The following DIAPH3 variants were observed in gnomAD, a reference collection of about 807,000 sequenced individuals.
The protein encoded by DIAPH3 is diaphanous related formin 3.
In DIAPH3, 117 loss-of-function variants were observed where a neutral mutation model predicts 144.3. That is an observed-to-expected ratio of 0.81 (90% confidence interval 0.70 to 0.95). DIAPH3 has a LOEUF of 0.95. Among genes scored for constraint, DIAPH3 ranks in the 40% least tolerant of loss-of-function variants. The probability of loss-of-function intolerance (pLI) is 0.00; values close to 1 mark genes in which losing one functional copy is unlikely to be tolerated. For synonymous variants in DIAPH3, 519 were observed against 488.9 expected, an observed-to-expected ratio of 1.06 and a Z score of -0.81; for missense variants, 1,421 against 1,412.7, an observed-to-expected ratio of 1.01 and a Z score of -0.09.
Position 59,917,889 on chromosome 13 carries a change from CAAAAAAAAAA to C in DIAPH3, c.2171-1650_2171-1641del, listed in dbSNP as rs60792156. On this transcript the variant is annotated intron_variant, in intron 18 of 27. Coordinates refer to ENST00000400324, the MANE Select transcript of DIAPH3 (RefSeq NM_001042517.2). ...TGGGCGACAGAGTAAGACTCTGTCT[CAAAAAAAAAA>C]AAAAAAAAAAAAAAAAAAGTAAGTA... Among the ~76,000 whole-genome samples the C allele has an allele frequency of 6.4e-4, 12 of 18,640 alleles. 1 individual carries two copies. In the East Asian group the frequency reaches 6.8e-3, roughly 11 times the overall value. 12.2% of individuals were successfully genotyped at this position (18,640 alleles called of 152,430 possible). A position where few individuals can be genotyped will look rare whatever the true frequency, so the allele number is the denominator to read the frequency against.
intron 4 of DIAPH3, among the ~76,000 whole-genome samples, chr13:60,070,773 T>A (rs188931563): frequency 6.6e-6 from 1 of 152,344 alleles, no homozygotes; most frequent in East Asian, 1.9e-4. Flanking sequence ...CGGCTTTATG[T>A]CAGTACTAGA....
intron 4 of DIAPH3, among the ~76,000 whole-genome samples, chr13:60,090,200 C>T (rs1039756487): frequency 6.6e-6 from 1 of 152,102 alleles, no homozygotes; most frequent in African/African-American, 2.4e-5. Context: ...ATCACGTTCC[C>T]ATGCCCTGAA....
chr13:60,070,853 TATACAAAGAAC>T (rs1307801486), intron 4 of DIAPH3, among the ~76,000 whole-genome samples: 1 of 152,192 alleles, frequency 6.6e-6, no homozygotes, highest in African/African-American at 2.4e-5. Context: ...TCCACATGTT[TATACAAAGAAC>T]ATATCATTAC....
At chr13:60,117,380 T>C (rs1385570759) in intron 2 of DIAPH3, among the ~76,000 whole-genome samples, 1 of 152,072 alleles carries the variant, frequency 6.6e-6, no homozygotes, top group Non-Finnish European at 1.5e-5. Flanking sequence ...AATGCTTTTA[T>C]TTCTTTTCCC....
At chr13:60,022,828 G>C (rs1221596641) in intron 5 of DIAPH3, among the ~76,000 whole-genome samples, 1 of 152,136 alleles carries the variant, frequency 6.6e-6, no homozygotes, top group Non-Finnish European at 1.5e-5. Flanking sequence ...TTTTCTGAGA[G>C]TTTTCATTAT....
At chr13:59,987,242 G>A (rs2051458438) in intron 12 of DIAPH3, among the ~76,000 whole-genome samples, 1 of 150,268 alleles carries the variant, frequency 6.7e-6, no homozygotes, top group Admixed American at 6.7e-5. Context: ...ACCAAACACC[G>A]CATATTCTCA....
chr13:59,727,623 T>G (rs1331661999), intron 27 of DIAPH3, among the ~76,000 whole-genome samples: 1 of 152,118 alleles, frequency 6.6e-6, no homozygotes, highest in Non-Finnish European at 1.5e-5. Flanking sequence ...ATGAAGTAAG[T>G]TGGTACATAT....
intron 18 of DIAPH3, among the ~76,000 whole-genome samples, chr13:59,920,552 G>A (rs936218112): frequency 6.7e-6 from 1 of 149,900 alleles, no homozygotes; most frequent in South Asian, 2.1e-4. Context: ...ACATATATAT[G>A]TATATATATA....
Position 59,970,943 on chromosome 13 carries a change from T to C in DIAPH3, c.1868A>G (p.Asn623Ser), listed in dbSNP as rs370587598. The C allele has an allele frequency of 4.3e-6, 7 of 1,613,936 alleles. No individual in the cohort carries two copies. Among genetic ancestry groups the C allele is most frequent in the Non-Finnish European group, 5.1e-6 (6 of 1,179,974 alleles). The change falls in exon 16 of 28, where the codon AAT (asparagine) becomes AGT (serine). Residue 623 changes from asparagine to serine, a missense_variant. Coordinates refer to ENST00000400324, the MANE Select transcript of DIAPH3 (RefSeq NM_001042517.2). ...TGGCAGGATTGGTAGAGGAGGAGAA[T>C]TTTGTCCTCCAAGGAATCCCAGGGG... ...PPPLGFLGGQNSPPLPILPFG... is the reference protein window; with the variant it reads ...PPPLGFLGGQSSPPLPILPFG...
At chr13:59,691,061 T>C (rs2033492485) in intron 27 of DIAPH3, among the ~76,000 whole-genome samples, 1 of 152,142 alleles carries the variant, frequency 6.6e-6, no homozygotes, top group Non-Finnish European at 1.5e-5. Flanking sequence ...TAGTAGGGCA[T>C]TGCGGGTAGA....
chr13:59,811,736 C>CAAAA (rs59712985), intron 24 of DIAPH3, among the ~76,000 whole-genome samples: 6 of 56,674 alleles, frequency 1.1e-4, no homozygotes, highest in African/African-American at 2.1e-4. Context: ...GACTCTGTCT[C>CAAAA]AAAAAAAAAA....
At chr13:59,993,046 T>A (rs1797934030) in intron 9 of DIAPH3, among the ~76,000 whole-genome samples, 1 of 151,892 alleles carries the variant, frequency 6.6e-6, no homozygotes, top group South Asian at 2.1e-4. Flanking sequence ...AACAAGGGTC[T>A]TAACTCTAGT....
At chr13:60,029,422 C>A (rs577722296) in intron 5 of DIAPH3, among the ~76,000 whole-genome samples, 103 of 152,262 alleles carry the variant, frequency 6.8e-4, no homozygotes, top group Admixed American at 1.8e-3. Context: ...TGTCACCACC[C>A]AAATCTCACC....
At chr13:59,920,960 A>C (rs2047478980) in intron 18 of DIAPH3, among the ~76,000 whole-genome samples, 1 of 151,864 alleles carries the variant, frequency 6.6e-6, no homozygotes, top group African/African-American at 2.4e-5. Context: ...TTTCAAATGC[A>C]TGAAAACTAA....
At chr13:59,778,351 C>T (rs1191348538) in intron 25 of DIAPH3, among the ~76,000 whole-genome samples, 3 of 152,184 alleles carry the variant, frequency 2.0e-5, no homozygotes, top group African/African-American at 7.2e-5. Flanking sequence ...CCACTGAGGG[C>T]AGGGATTATA....
At chr13:60,016,289 T>A (rs1187490280) in intron 5 of DIAPH3, 144 bp from the exon 6 acceptor site, 2 of 807,252 alleles carry the variant, frequency 2.5e-6, no homozygotes, top group African/African-American at 3.5e-5. Flanking sequence ...AAATTATTCA[T>A]GACTCATCTT....
intron 5 of DIAPH3, among the ~76,000 whole-genome samples, chr13:60,039,547 G>A (rs55797846): frequency 0.063 from 9,599 of 151,992 alleles, 455 homozygotes; most frequent in East Asian, 0.28. Context: ...CAAGTGATCC[G>A]CTCGTCTCAG....
intron 5 of DIAPH3, among the ~76,000 whole-genome samples, chr13:60,028,826 C>T (rs1351643997): frequency 6.6e-6 from 1 of 151,918 alleles, no homozygotes; most frequent in Admixed American, 6.6e-5. Context: ...TTTGGGAGGC[C>T]GAGGTGGGCG....
At chr13:59,822,543 C>T (rs190413590) in intron 24 of DIAPH3, among the ~76,000 whole-genome samples, 3 of 152,124 alleles carry the variant, frequency 2.0e-5, no homozygotes, top group Non-Finnish European at 4.4e-5. Flanking sequence ...TGGGTTCAAG[C>T]GATTCCCCTG....
Sources: gnomAD v4.1 joint callset for allele counts (sites outside exome capture counted in the v4.1 genomes callset) on GRCh38, gnomAD v4.1.1 for gene constraint, MANE v1.5 for transcripts, NCBI Gene and HGNC (gene_info 2026-07-23, HGNC 2026-07-21) for gene names.